CADPS2: variants seen among roughly 807,000 people sequenced by gnomAD.
CADPS2 encodes calcium-dependent secretion activator 2.
CADPS2 carries 93 observed loss-of-function variants against 172.5 expected under a neutral mutation model. The ratio of observed to expected loss-of-function variants is 0.54; its 90% CI spans 0.46 to 0.64. The LOEUF (loss-of-function observed/expected upper bound fraction) is 0.64. CADPS2 is among the 30% of genes least tolerant of loss of function. The pLI, the probability that CADPS2 is intolerant of heterozygous loss-of-function variation, is 0.00. For synonymous variants in CADPS2, 546 were observed against 555.2 expected (o/e 0.98, Z 0.23); for missense variants, 1,420 against 1,565.9 (o/e 0.91, Z 1.57).
intron 3 of CADPS2, among the ~76,000 whole-genome samples, chr7:122,646,430 C>G (rs537067081): frequency 3.3e-5 from 5 of 151,848 alleles, no homozygotes; most frequent in Non-Finnish European, 7.4e-5. Context: ...TTTTTCTCTC[C>G]CCCAGTATAA....
Position 122,754,637 on chromosome 7 carries a change from C to A in CADPS2, c.340-17569G>T, listed in dbSNP as rs188486189. 5.9e-3 allele frequency among the ~76,000 whole-genome samples: 899 copies of A among 152,106 alleles called. 7 individuals are homozygous for A. The highest frequency in any genetic ancestry group is 0.021 in the African/African-American group (862 of 41,480). ...GATTACAGGTGCCCACCATCACGCC[C>A]GGCGAATTTTTGTATTTTTAGTAGA... On this transcript the variant is annotated intron_variant, in intron 1 of 29. Transcript: ENST00000449022.
intron 27 of CADPS2, among the ~76,000 whole-genome samples, chr7:122,356,114 C>T (rs956265736): frequency 1.1e-4 from 16 of 152,098 alleles, no homozygotes; most frequent in African/African-American, 3.9e-4. Context: ...AGTTTCCCTT[C>T]GTTTTTACCC....
At chr7:122,555,680 T>C (rs1270740645) in intron 7 of CADPS2, among the ~76,000 whole-genome samples, 2 of 152,108 alleles carry the variant, frequency 1.3e-5, no homozygotes, top group Non-Finnish European at 2.9e-5. Context: ...ACAAAGTGAT[T>C]GTGAATCTGA....
intron 1 of CADPS2, among the ~76,000 whole-genome samples, chr7:122,812,665 A>G (rs1375058068): frequency 1.3e-5 from 2 of 151,902 alleles, no homozygotes; most frequent in African/African-American, 4.8e-5. Context: ...GGGGGAGAGG[A>G]GAGTTTGCTT....
intron 1 of CADPS2, among the ~76,000 whole-genome samples, chr7:122,749,290 C>T (rs954730415): frequency 6.6e-6 from 1 of 152,034 alleles, no homozygotes; most frequent in East Asian, 1.9e-4. Flanking sequence ...CAAGAGGAAC[C>T]CAGCCACCAC....
rs535310229 is a variant in CADPS2, at chr7:122,445,609, G to A, written c.2289-4034C>T. On this transcript the variant is annotated intron_variant, in intron 15 of 29. Coordinates refer to ENST00000449022, the MANE Select transcript of CADPS2 (RefSeq NM_017954.11). ...AGGCAGGAAGATCTCTTGAGCCTAAGAATTTAAGAGTAGCCCTGGGCAACA... is the reference window on the plus strand; with the variant it reads ...AGGCAGGAAGATCTCTTGAGCCTAAAAATTTAAGAGTAGCCCTGGGCAACA... Among the ~76,000 whole-genome samples the A allele has an allele frequency of 1.6e-4, 25 of 152,250 alleles. No individual in the cohort carries two copies. The South Asian group carries it at 4.6e-3, about 28-fold the overall frequency.
rs78187320 is a variant in CADPS2, at chr7:122,700,832, C to T, written c.453+36123G>A. On this transcript the variant is annotated intron_variant, in intron 2 of 29. Coordinates refer to ENST00000449022, the MANE Select transcript of CADPS2 (RefSeq NM_017954.11). The stretch of plus-strand genomic sequence containing the variant: ...TATGCTAGGATTTAAAGAGCTCTGG[C>T]AAACAAAAGTGAATGTTTGCAATGT... 9.7e-3 allele frequency among the ~76,000 whole-genome samples: 1,469 copies of T among 152,156 alleles called. 23 individuals are homozygous for T. The highest frequency in any genetic ancestry group is 0.034 in the African/African-American group (1,411 of 41,506).
chr7:122,387,190 G>C lies in CADPS2; in HGVS notation c.3165-17C>G, dbSNP rs768653068. On this transcript the variant is annotated splice_polypyrimidine_tract_variant and intron_variant, in intron 23 of 29. Coordinates refer to ENST00000449022, the MANE Select transcript of CADPS2 (RefSeq NM_017954.11). Reference sequence around the variant, plus strand: ...GTTCTTGTTCTAGTTTTTAAAACATGAATTCAGAGTAAGAAATTCTGCTAT... The same window carrying C: ...GTTCTTGTTCTAGTTTTTAAAACATCAATTCAGAGTAAGAAATTCTGCTAT... The C allele has an allele frequency of 6.4e-7, 1 of 1,565,228 alleles. No homozygotes were observed. Among genetic ancestry groups the C allele is most frequent in the African/African-American group, 1.4e-5 (1 of 73,864 alleles).
At chr7:122,321,176 TTGAC>T (rs1355995947) in intron 29 of CADPS2, among the ~76,000 whole-genome samples, 2 of 152,126 alleles carry the variant, frequency 1.3e-5, no homozygotes, top group African/African-American at 2.4e-5. Flanking sequence ...GACTGATTGA[TTGAC>T]TGATTGAGAC....
At chr7:122,679,268 G>GC (rs1554715383) in intron 2 of CADPS2, among the ~76,000 whole-genome samples, 1 of 100,954 alleles carries the variant, frequency 9.9e-6, no homozygotes, top group Admixed American at 9.9e-5. Flanking sequence ...GCATTCCTGG[G>GC]GGGGGGGGGC....
chr7:122,564,864 C>CAA (rs886716363), intron 7 of CADPS2, among the ~76,000 whole-genome samples: 8 of 151,648 alleles, frequency 5.3e-5, no homozygotes, highest in African/African-American at 1.7e-4. Context: ...CACACACACA[C>CAA]ACACACACAC....
At chr7:122,611,401 A>G (rs1469827426) in intron 6 of CADPS2, among the ~76,000 whole-genome samples, 1 of 152,102 alleles carries the variant, frequency 6.6e-6, no homozygotes, top group Non-Finnish European at 1.5e-5. Context: ...ACTAAAAATA[A>G]TTACAAAAAC....
intron 1 of CADPS2, among the ~76,000 whole-genome samples, chr7:122,805,112 C>T (rs973788858): frequency 6.6e-6 from 1 of 152,052 alleles, no homozygotes; most frequent in Non-Finnish European, 1.5e-5. Flanking sequence ...CATAGCTAAC[C>T]CCCAGCAAGG....
intron 23 of CADPS2, among the ~76,000 whole-genome samples, chr7:122,388,134 G>A (rs1422260273): frequency 6.6e-6 from 1 of 152,070 alleles, no homozygotes; most frequent in Non-Finnish European, 1.5e-5. Flanking sequence ...CTCATCTGAT[G>A]TGGACAGAAA....
chr7:122,540,764 C>T (rs113428939), intron 8 of CADPS2, among the ~76,000 whole-genome samples: 1 of 152,148 alleles, frequency 6.6e-6, no homozygotes, highest in African/African-American at 2.4e-5. Context: ...CTTTCTTCTC[C>T]TTGTCTAGTA....
At chr7:122,780,331 A>G (rs1792354460) in intron 1 of CADPS2, among the ~76,000 whole-genome samples, 1 of 152,168 alleles carries the variant, frequency 6.6e-6, no homozygotes, top group African/African-American at 2.4e-5. Context: ...AACTGATGAT[A>G]CAACTTTGAA....
At chr7:122,666,337 C>T (rs1159422043) in intron 2 of CADPS2, among the ~76,000 whole-genome samples, 2 of 137,124 alleles carry the variant, frequency 1.5e-5, no homozygotes, top group African/African-American at 5.4e-5. Context: ...CTACCTGTGT[C>T]TGCTAACACT....
chr7:122,429,876 T>C lies in CADPS2; in HGVS notation c.2476+8465A>G, dbSNP rs576094313. Among the ~76,000 whole-genome samples, 26 of 149,326 alleles carry C rather than the reference T, an allele frequency of 1.7e-4. No homozygotes were observed. The South Asian group carries it at 4.4e-3, about 25-fold the overall frequency. On this transcript the variant is annotated intron_variant, in intron 17 of 29. Transcript: ENST00000449022. The stretch of plus-strand genomic sequence containing the variant: ...ATTAACAAAAATTTGCCACAAACTG[T>C]GCAGTTTTTTTTTTTAATAAACACG...
chr7:122,474,670 A>C, intron 12 of CADPS2, 153 bp from the exon 13 acceptor site: 1 of 673,100 alleles, frequency 1.5e-6, no homozygotes. Context: ...ATTAACATAA[A>C]TTGCAAACTT....
Sources: gnomAD v4.1 joint callset for allele counts (sites outside exome capture counted in the v4.1 genomes callset) on GRCh38, gnomAD v4.1.1 for gene constraint, MANE v1.5 for transcripts, NCBI Gene and HGNC (gene_info 2026-07-23, HGNC 2026-07-21) for gene names.